The following NTNG1 variants were observed in gnomAD, a reference collection of about 807,000 sequenced individuals.
NTNG1 encodes the protein netrin G1.
Under a neutral mutation model 54.0 loss-of-function variants are expected in NTNG1, and 16 were observed. The observed-to-expected ratio is 0.30, with a 90% CI of 0.20 to 0.45. NTNG1 has a LOEUF of 0.45. Among genes scored for constraint, NTNG1 ranks in the 20% least tolerant of loss-of-function variants. NTNG1 has a pLI of 1.00. For synonymous variants in NTNG1, 255 were observed against 263.1 expected, an observed-to-expected ratio of 0.97 and a Z score of 0.30; for missense variants, 530 against 678.7, an observed-to-expected ratio of 0.78 and a Z score of 2.43.
At chr1:107,145,549 A>T (rs1231438536) in intron 1 of NTNG1, among the ~76,000 whole-genome samples, 2 of 152,028 alleles carry the variant, frequency 1.3e-5, no homozygotes, top group East Asian at 3.9e-4. Flanking sequence ...TTCTGTGTCA[A>T]TGGGAGCTCA....
chr1:107,355,595 C>T lies in NTNG1; in HGVS notation c.887+30673C>T, dbSNP rs78178355. 8.5e-5 allele frequency among the ~76,000 whole-genome samples: 13 copies of T among 152,092 alleles called. No individual in the cohort carries two copies. In the East Asian group the frequency reaches 2.3e-3, roughly 27 times the overall value. The stretch of plus-strand genomic sequence containing the variant: ...GATATTTGTTCATTTTTAACCACTA[C>T]TTAGAGCCAAGCCCAAACAAATAAG... On this transcript the variant is annotated intron_variant, in intron 3 of 7. Transcript: ENST00000370068.
At chr1:107,438,980 C>T (rs1675784499) in intron 7 of NTNG1, among the ~76,000 whole-genome samples, 1 of 152,084 alleles carries the variant, frequency 6.6e-6, no homozygotes, top group Non-Finnish European at 1.5e-5. Flanking sequence ...TATTGAGTAC[C>T]TACCGTGACT....
intron 2 of NTNG1, among the ~76,000 whole-genome samples, chr1:107,292,381 G>C (rs1159536206): frequency 6.6e-6 from 1 of 152,084 alleles, no homozygotes; most frequent in South Asian, 2.1e-4. Context: ...GTTACAGTAG[G>C]TAGCTCGTCA....
chr1:107,237,828 A>AG (rs1350804457), intron 2 of NTNG1, among the ~76,000 whole-genome samples: 1 of 152,232 alleles, frequency 6.6e-6, no homozygotes, highest in African/African-American at 2.4e-5. Context: ...CAGAAGATGT[A>AG]TGGAAACACC....
chr1:107,480,076 C>T (rs1243437288), intron 7 of NTNG1, among the ~76,000 whole-genome samples: 2 of 152,006 alleles, frequency 1.3e-5, no homozygotes, highest in African/African-American at 4.8e-5. Flanking sequence ...CCCCGTGTCC[C>T]CACCCCTCCT....
intron 3 of NTNG1, among the ~76,000 whole-genome samples, chr1:107,338,682 A>G (rs1399170593): frequency 6.6e-6 from 1 of 151,898 alleles, no homozygotes; most frequent in Non-Finnish European, 1.5e-5. Context: ...GTAGCCAAGC[A>G]TGTCTTATCA....
intron 7 of NTNG1, among the ~76,000 whole-genome samples, chr1:107,439,200 A>G (rs188032148): frequency 1.1e-4 from 16 of 152,200 alleles, no homozygotes; most frequent in Admixed American, 4.6e-4. Flanking sequence ...GTTAAGCACT[A>G]AAGGATCAGT....
At chr1:107,224,466 T>G (rs1392592525) in intron 2 of NTNG1, among the ~76,000 whole-genome samples, 1 of 152,178 alleles carries the variant, frequency 6.6e-6, no homozygotes, top group Non-Finnish European at 1.5e-5. Context: ...TCGTCTTTCA[T>G]GTAATGAGTT....
chr1:107,322,342 T>G (rs963024313), intron 2 of NTNG1, among the ~76,000 whole-genome samples: 1 of 152,110 alleles, frequency 6.6e-6, no homozygotes, highest in East Asian at 1.9e-4. Flanking sequence ...AGACACTTTT[T>G]TCAGGAGGAA....
At chr1:107,311,994 G>A (rs948797411) in intron 2 of NTNG1, among the ~76,000 whole-genome samples, 3 of 152,116 alleles carry the variant, frequency 2.0e-5, no homozygotes, top group African/African-American at 4.8e-5. Context: ...TGGTACGCTC[G>A]AAGGGTAGTG....
At chr1:107,265,330 A>G (rs1205192168) in intron 2 of NTNG1, among the ~76,000 whole-genome samples, 2 of 152,140 alleles carry the variant, frequency 1.3e-5, no homozygotes, top group Admixed American at 6.5e-5. Context: ...TTGCCAGAAA[A>G]AAAAAAAGGA....
intron 3 of NTNG1, among the ~76,000 whole-genome samples, chr1:107,362,796 A>G (rs749224410): frequency 6.6e-6 from 1 of 152,236 alleles, no homozygotes. Flanking sequence ...AAGCAAAAAT[A>G]GAATAAGGGC....
At chr1:107,392,500 T>C (rs532380865) in intron 3 of NTNG1, among the ~76,000 whole-genome samples, 1 of 152,010 alleles carries the variant, frequency 6.6e-6, no homozygotes, top group South Asian at 2.1e-4. Flanking sequence ...GAAAACGAGC[T>C]TGGGTATCCA....
chr1:107,400,437 C>T (rs1672948324), intron 4 of NTNG1, among the ~76,000 whole-genome samples: 1 of 152,106 alleles, frequency 6.6e-6, no homozygotes, highest in South Asian at 2.1e-4. Context: ...TAAATCCCCA[C>T]AATATCCCCA....
intron 2 of NTNG1, among the ~76,000 whole-genome samples, chr1:107,193,973 G>T (rs1570812163): frequency 1.3e-5 from 2 of 151,828 alleles, no homozygotes; most frequent in South Asian, 4.1e-4. Flanking sequence ...TTATGATCAG[G>T]TCCCTGAATT....
chr1:107,146,274 T>G (rs1654106081), intron 1 of NTNG1, among the ~76,000 whole-genome samples: 1 of 152,090 alleles, frequency 6.6e-6, no homozygotes, highest in Admixed American at 6.5e-5. Flanking sequence ...ACCTAATAGA[T>G]TTTACACTGC....
chr1:107,268,461 C>G (rs1663898740), intron 2 of NTNG1, among the ~76,000 whole-genome samples: 1 of 150,974 alleles, frequency 6.6e-6, no homozygotes, highest in South Asian at 2.1e-4. Context: ...TTTTTGGACT[C>G]CTGATCTTGG....
intron 3 of NTNG1, among the ~76,000 whole-genome samples, chr1:107,327,865 C>T (rs1668057333): frequency 6.6e-6 from 1 of 152,062 alleles, no homozygotes; most frequent in South Asian, 2.1e-4. Context: ...GATGACTGAG[C>T]TTGTGAGATC....
intron 7 of NTNG1, among the ~76,000 whole-genome samples, chr1:107,446,279 G>A (rs768034813): frequency 5.9e-5 from 9 of 152,056 alleles, no homozygotes; most frequent in Admixed American, 2.6e-4. Flanking sequence ...AATCAGTGCC[G>A]TCTGTTTAAA....
Sources: gnomAD v4.1 joint callset for allele counts (sites outside exome capture counted in the v4.1 genomes callset) on GRCh38, gnomAD v4.1.1 for gene constraint, MANE v1.5 for transcripts, NCBI Gene and HGNC (gene_info 2026-07-23, HGNC 2026-07-21) for gene names.